The following ARMC3 variants were observed in gnomAD, a reference collection of about 807,000 sequenced individuals.
ARMC3 encodes armadillo repeat-containing protein 3.
A neutral mutation model predicts 90.3 loss-of-function variants in ARMC3; 74 were observed. The observed-to-expected ratio is 0.82, with a 90% CI of 0.68 to 0.99. The LOEUF (loss-of-function observed/expected upper bound fraction) is 0.99. Among genes scored for constraint, ARMC3 ranks in the 50% least tolerant of loss-of-function variants. ARMC3 has a pLI of 0.00. For missense variants in ARMC3, 958 were observed against 1,042.8 expected (o/e 0.92, Z 1.12); for synonymous variants, 334 against 361.8 (o/e 0.92, Z 0.87).
intron 1 of ARMC3, among the ~76,000 whole-genome samples, chr10:22,929,766 G>T (rs1833860408): frequency 6.6e-6 from 1 of 152,134 alleles, no homozygotes; most frequent in South Asian, 2.1e-4. Flanking sequence ...GTCCAGGCTG[G>T]TCTTGAGCTC....
At chr10:22,950,843 T>A (rs1834713335) in intron 3 of ARMC3, among the ~76,000 whole-genome samples, 2 of 151,806 alleles carry the variant, frequency 1.3e-5, no homozygotes, top group Non-Finnish European at 2.9e-5. Context: ...AATATTAATA[T>A]TATAAAAGTA....
chr10:23,034,009 G>A (rs1018863387), intron 18 of ARMC3, among the ~76,000 whole-genome samples: 1 of 152,134 alleles, frequency 6.6e-6, no homozygotes, highest in Non-Finnish European at 1.5e-5. Flanking sequence ...TAGACTAAAT[G>A]CATAAATTCC....
At chr10:22,954,435 G>T (rs1302011491) in intron 3 of ARMC3, among the ~76,000 whole-genome samples, 1 of 151,696 alleles carries the variant, frequency 6.6e-6, no homozygotes, top group Admixed American at 6.6e-5. Flanking sequence ...GCTGAGGCAG[G>T]AGGATCACTT....
intron 16 of ARMC3, among the ~76,000 whole-genome samples, chr10:23,021,029 G>A (rs1838491697): frequency 6.6e-6 from 1 of 152,046 alleles, no homozygotes; most frequent in African/African-American, 2.4e-5. Flanking sequence ...TGTATGCAAT[G>A]TTTAGCTTCC....
Position 23,002,116 on chromosome 10 carries a change from C to A in ARMC3, c.1562+61C>A, listed in dbSNP as rs1837322456. 6 of 1,558,828 alleles carry A rather than the reference C, an allele frequency of 3.8e-6. No individual in the cohort carries two copies. The African/African-American group carries it at 6.8e-5, about 18-fold the overall frequency. ...GAAGAGCAGAAGACGGAGAGGCACACTCTTTAGGCCCAAGGAATTTCAAGC... is the reference window on the plus strand; with the variant it reads ...GAAGAGCAGAAGACGGAGAGGCACAATCTTTAGGCCCAAGGAATTTCAAGC... On this transcript the variant is annotated intron_variant, in intron 12 of 18. Coordinates refer to ENST00000298032, the MANE Select transcript of ARMC3 (RefSeq NM_173081.5).
chr10:22,955,794 C>T lies in ARMC3; in HGVS notation c.167-13C>T, dbSNP rs377230820. ...AATATCCATGTGTGGTTTTGTTTTA[C>T]GTGTGATGTCAGGTGAGGAAAATAA... is the stretch of plus-strand genomic sequence containing the variant. On this transcript the variant is annotated splice_polypyrimidine_tract_variant and intron_variant, in intron 3 of 18. Transcript: ENST00000298032. 127 of 1,612,944 alleles carry T rather than the reference C, an allele frequency of 7.9e-5. 1 individual carries two copies. The African/African-American group carries it at 1.5e-3, about 19-fold the overall frequency.
intron 2 of ARMC3, among the ~76,000 whole-genome samples, chr10:22,945,823 A>G (rs1251541341): frequency 6.6e-6 from 1 of 152,190 alleles, no homozygotes; most frequent in Non-Finnish European, 1.5e-5. Context: ...GATAGGTACT[A>G]TTATCCTCAT....
chr10:22,965,995 C>G (rs1358897907), intron 7 of ARMC3, among the ~76,000 whole-genome samples: 1 of 152,182 alleles, frequency 6.6e-6, no homozygotes, highest in Non-Finnish European at 1.5e-5. Flanking sequence ...TTGAATCACA[C>G]TTTCCTGTTT....
At chr10:22,974,053 C>T (rs994191473) in intron 8 of ARMC3, among the ~76,000 whole-genome samples, 3 of 151,994 alleles carry the variant, frequency 2.0e-5, no homozygotes, top group Non-Finnish European at 4.4e-5. Flanking sequence ...CCACCGCGGT[C>T]GGCCTTTCTC....
chr10:23,008,882 G>T lies in ARMC3; in HGVS notation c.1996G>T (p.Gly666Ter). Residue 666 changes from glycine (G) to a stop codon, truncating the protein, a stop_gained, in exon 16 of 19, where the codon GGA (glycine) becomes TGA (stop). Transcript: ENST00000298032. LOFTEE classifies it high-confidence loss of function. ...PIEDKSEPAS[G>*]RNTVLSKSAT... Reference sequence around the variant, plus strand: ...AGAAGACAAATCAGAGCCAGCTTCTGGACGAAATACTGTTCTCAGCAAAAG... The same window carrying T: ...AGAAGACAAATCAGAGCCAGCTTCTTGACGAAATACTGTTCTCAGCAAAAG... The T allele has an allele frequency of 6.2e-7, 1 of 1,613,780 alleles. No individual in the cohort carries two copies. Among genetic ancestry groups the T allele is most frequent in the Non-Finnish European group, 8.5e-7 (1 of 1,179,836 alleles).
rs766847685 is a variant in ARMC3, at chr10:23,006,948, G to A, written c.1796G>A (p.Arg599Gln). ...TGCTTACAAGAACCAAGTGACCTAC[G>A]GGCTGTACTCTTAATCAACAGTAAA... Reference protein sequence around the residue: ...ELCLQEPSDLRAVLLINSKSY... With the variant: ...ELCLQEPSDLQAVLLINSKSY... The change falls in exon 14 of 19, where the codon CGG (arginine) becomes CAG (glutamine). Residue 599 changes from arginine (R) to glutamine (Q), a missense_variant. Coordinates refer to ENST00000298032, the MANE Select transcript of ARMC3 (RefSeq NM_173081.5). 21 of 1,612,990 alleles carry A rather than the reference G, an allele frequency of 1.3e-5. 1 individual carries two copies. Among genetic ancestry groups the A allele is most frequent in the South Asian group, 6.6e-5 (6 of 90,906 alleles).
chr10:23,022,235 G>A (rs1423256619), intron 16 of ARMC3, among the ~76,000 whole-genome samples: 1 of 152,088 alleles, frequency 6.6e-6, no homozygotes, highest in African/African-American at 2.4e-5. Flanking sequence ...AGGCTTATGT[G>A]GAAATTTACT....
chr10:23,030,544 TTG>T, intron 16 of ARMC3, 50 bp from the exon 17 acceptor site: 2 of 1,559,784 alleles, frequency 1.3e-6, no homozygotes, highest in Middle Eastern at 3.4e-4. Context: ...GAGCAATTGT[TTG>T]TTTGTTTAGC....
intron 10 of ARMC3, among the ~76,000 whole-genome samples, chr10:22,997,836 A>G (rs1165538329): frequency 6.6e-6 from 1 of 152,164 alleles, no homozygotes; most frequent in African/African-American, 2.4e-5. Context: ...AATAATAATA[A>G]TGGTTGTACC....
intron 8 of ARMC3, among the ~76,000 whole-genome samples, chr10:22,978,580 C>T (rs1836043559): frequency 6.6e-6 from 1 of 152,212 alleles, no homozygotes; most frequent in African/African-American, 2.4e-5. Flanking sequence ...CCTGCTTTGA[C>T]CTCTATCTGC....
chr10:23,034,122 T>C (rs1034661250), intron 18 of ARMC3, among the ~76,000 whole-genome samples: 1 of 152,030 alleles, frequency 6.6e-6, no homozygotes, highest in Non-Finnish European at 1.5e-5. Context: ...TCCTATTCCC[T>C]TGGATTTCCT....
At chr10:23,032,353 A>G (rs1209941823) in intron 17 of ARMC3, among the ~76,000 whole-genome samples, 3 of 152,162 alleles carry the variant, frequency 2.0e-5, no homozygotes, top group Admixed American at 2.0e-4. Flanking sequence ...CTCTAAATTA[A>G]AATAAATTTT....
At chr10:22,978,106 T>C (rs899570954) in intron 8 of ARMC3, among the ~76,000 whole-genome samples, 1 of 152,252 alleles carries the variant, frequency 6.6e-6, no homozygotes, top group East Asian at 1.9e-4. Context: ...TCTGGCCAGA[T>C]CTACCATATC....
chr10:23,020,446 C>T (rs183853910), intron 16 of ARMC3, among the ~76,000 whole-genome samples: 1 of 152,136 alleles, frequency 6.6e-6, no homozygotes, highest in African/African-American at 2.4e-5. Flanking sequence ...GTTTTAATTT[C>T]TCTAGGGTAA....
Sources: gnomAD v4.1 joint callset for allele counts (sites outside exome capture counted in the v4.1 genomes callset) on GRCh38, gnomAD v4.1.1 for gene constraint, MANE v1.5 for transcripts, NCBI Gene and HGNC (gene_info 2026-07-23, HGNC 2026-07-21) for gene names.